Variants in ZFYVE16 observed in about 807,000 individuals in gnomAD.
ZFYVE16 encodes the protein zinc finger FYVE domain-containing protein 16.
Under a neutral mutation model 138.1 loss-of-function variants are expected in ZFYVE16, and 89 were observed. The observed-to-expected ratio is 0.64, with a 90% CI of 0.54 to 0.77. ZFYVE16 has a LOEUF of 0.77. ZFYVE16 is among the 30% of genes least tolerant of loss of function. The pLI is 0.00. For missense variants in ZFYVE16, 1,793 were observed against 1,786.7 expected (o/e 1.00, Z -0.06); for synonymous variants, 596 against 618.3 (o/e 0.96, Z 0.53).
At position 80,480,783 on chromosome 5, in the gene ZFYVE16, T is replaced by C. The variant is rs1351843771; in HGVS notation, c.*3406T>C. Among the ~76,000 whole-genome samples, 1 of 152,000 alleles carries C rather than the reference T, an allele frequency of 6.6e-6. No homozygotes were observed. The highest frequency in any genetic ancestry group is 1.5e-5 in the Non-Finnish European group (1 of 67,998). On this transcript the variant is annotated 3_prime_UTR_variant, in exon 19 of 19. Coordinates refer to ENST00000505560, the MANE Select transcript of ZFYVE16 (RefSeq NM_001284236.3). ...AAAATTAAAAAAATTTTGCCAGGTG[T>C]GGTGGCTCATACTTGTGGTCCCAGC...
In ZFYVE16 at chr5:80,472,901, G is replaced by A. The variant is rs1284428210; in HGVS notation, c.4165G>A (p.Ala1389Thr). The A allele has an allele frequency of 1.2e-6, 2 of 1,602,786 alleles. No homozygotes were observed. The highest frequency in any genetic ancestry group is 1.3e-5 in the African/African-American group (1 of 74,572). ...REYVDICWVDAEEKGNKGVIS... is the reference protein window; with the variant it reads ...REYVDICWVDTEEKGNKGVIS... The stretch of plus-strand genomic sequence containing the variant: ...ATACGTGGATATCTGCTGGGTAGAT[G>A]CTGAAGAAAAAGGAAACAAAGGGTA... Residue 1389 changes from alanine to threonine, a missense_variant, in exon 16 of 19, where the codon GCT (alanine) becomes ACT (threonine). Coordinates refer to ENST00000505560, the MANE Select transcript of ZFYVE16 (RefSeq NM_001284236.3).
chr5:80,460,467 T>C (rs1253886867), intron 15 of ZFYVE16, among the ~76,000 whole-genome samples: 1 of 152,198 alleles, frequency 6.6e-6, no homozygotes, highest in Non-Finnish European at 1.5e-5. Flanking sequence ...TGTTTTTTAT[T>C]TAAGAAATCT....
At chr5:80,452,002 A>T in intron 11 of ZFYVE16, 2 of 259,790 alleles carry the variant, frequency 7.7e-6, no homozygotes, top group South Asian at 1.6e-4. Context: ...CCATATCTGA[A>T]ATGTATTGGA....
At chr5:80,432,936 G>C (rs1474423275) in intron 2 of ZFYVE16, among the ~76,000 whole-genome samples, 1 of 151,968 alleles carries the variant, frequency 6.6e-6, no homozygotes, top group East Asian at 1.9e-4. Context: ...AAAAAGTCAG[G>C]AAACAGGTGC....
Position 80,477,202 on chromosome 5 carries a change from A to ATTT in ZFYVE16, c.4462-7_4462-5dup. 1 of 1,523,716 alleles carries ATTT rather than the reference A, an allele frequency of 6.6e-7. No individual in the cohort carries two copies. Among genetic ancestry groups the ATTT allele is most frequent in the African/African-American group, 1.5e-5 (1 of 67,362 alleles). 94.4% of individuals were successfully genotyped at this position (1,523,716 alleles called of 1,614,324 possible). A position where few individuals can be genotyped will look rare whatever the true frequency, so the allele number is the denominator to read the frequency against. On this transcript the variant is annotated splice_polypyrimidine_tract_variant and intron_variant, in intron 18 of 18. Transcript: ENST00000505560. ...AAGATTGCTCATTTTCTTATCAAGA[A>ATTT]TTTTTTTTTTTTCTAGGTTGAATTT...
chr5:80,470,361 A>G (rs1754250995), intron 15 of ZFYVE16, among the ~76,000 whole-genome samples: 1 of 151,864 alleles, frequency 6.6e-6, no homozygotes, highest in Non-Finnish European at 1.5e-5. Flanking sequence ...TAGGCCTCCC[A>G]AAGTGCTGGG....
intron 15 of ZFYVE16, among the ~76,000 whole-genome samples, chr5:80,468,366 C>T (rs1753947490): frequency 6.6e-6 from 1 of 152,196 alleles, no homozygotes; most frequent in Non-Finnish European, 1.5e-5. Context: ...AGTGCACTTA[C>T]ACAAACCTAA....
chr5:80,479,538 A>G lies in ZFYVE16; in HGVS notation c.*2161A>G, dbSNP rs987896576. On this transcript the variant is annotated 3_prime_UTR_variant, in exon 19 of 19. Transcript: ENST00000505560. ...TTAAGTGCAGAGCATGCCAAGAGAA[A>G]GAGTAGGATTTGGCCCTGTAGGAGC... Among the ~76,000 whole-genome samples the G allele has an allele frequency of 3.3e-5, 5 of 152,198 alleles. No individual in the cohort carries two copies. The highest frequency in any genetic ancestry group is 1.2e-4 in the African/African-American group (5 of 41,456).
chr5:80,440,818 C>T (rs1580233713), intron 5 of ZFYVE16: 1 of 985,090 alleles, frequency 1.0e-6, no homozygotes, highest in East Asian at 1.1e-4. Context: ...TTGACCAGAC[C>T]TGTGCACTAG....
At chr5:80,426,896 C>T (rs1748163304) in intron 1 of ZFYVE16, among the ~76,000 whole-genome samples, 1 of 152,206 alleles carries the variant, frequency 6.6e-6, no homozygotes, top group Non-Finnish European at 1.5e-5. Flanking sequence ...TATTTCTCCA[C>T]AGCCTCACCA....
intron 15 of ZFYVE16, among the ~76,000 whole-genome samples, chr5:80,464,357 G>T (rs963477229): frequency 2.4e-4 from 36 of 152,094 alleles, no homozygotes; most frequent in Non-Finnish European, 2.1e-4. Context: ...CTGAGCTAAG[G>T]GGGAAGAGCC....
chr5:80,447,169 G>A (rs1423442011), intron 7 of ZFYVE16, among the ~76,000 whole-genome samples: 1 of 151,298 alleles, frequency 6.6e-6, no homozygotes, highest in Non-Finnish European at 1.5e-5. Context: ...GGAGACGGAG[G>A]CAGGAGAAAA....
Position 80,426,404 on chromosome 5 carries a change from A to T in ZFYVE16, c.-93-1088A>T, listed in dbSNP as rs193097135. Among the ~76,000 whole-genome samples, 925 of 151,940 alleles carry T rather than the reference A, an allele frequency of 6.1e-3. 9 individuals are homozygous for T. Among genetic ancestry groups the T allele is most frequent in the African/African-American group, 0.021 (853 of 41,368 alleles). Reference sequence around the variant, plus strand: ...CTGTCAACCCATCATCTAGATATTAAGCCCCACATGCATTATTTATCCTGA... The same window carrying T: ...CTGTCAACCCATCATCTAGATATTATGCCCCACATGCATTATTTATCCTGA... On this transcript the variant is annotated intron_variant, in intron 1 of 18. Coordinates refer to ENST00000505560, the MANE Select transcript of ZFYVE16 (RefSeq NM_001284236.3).
intron 15 of ZFYVE16, among the ~76,000 whole-genome samples, chr5:80,464,170 A>G (rs1435226647): frequency 6.6e-6 from 1 of 151,974 alleles, no homozygotes; most frequent in Non-Finnish European, 1.5e-5. Flanking sequence ...TGGGGTGTCA[A>G]TTTACTGTAT....
chr5:80,471,235 T>G (rs557641553), intron 15 of ZFYVE16, among the ~76,000 whole-genome samples: 1 of 152,142 alleles, frequency 6.6e-6, no homozygotes, highest in Non-Finnish European at 1.5e-5. Context: ...TTCTGAGAAT[T>G]TCTGGTCTAA....
intron 1 of ZFYVE16, among the ~76,000 whole-genome samples, chr5:80,422,647 G>T (rs1422547211): frequency 6.6e-6 from 1 of 151,976 alleles, no homozygotes; most frequent in Non-Finnish European, 1.5e-5. Flanking sequence ...TAGAGATGGG[G>T]TTTCACCATG....
intron 14 of ZFYVE16, among the ~76,000 whole-genome samples, chr5:80,458,749 C>T (rs1752792658): frequency 6.6e-6 from 1 of 152,056 alleles, no homozygotes. Context: ...ATTGGTGTGT[C>T]ATAGGATACA....
chr5:80,471,589 A>T (rs1264835272), intron 15 of ZFYVE16, among the ~76,000 whole-genome samples: 1 of 152,140 alleles, frequency 6.6e-6, no homozygotes, highest in Non-Finnish European at 1.5e-5. Context: ...GCACCACGGG[A>T]CCAGAAGGCG....
chr5:80,455,847 A>G (rs1295115664), intron 12 of ZFYVE16, 73 bp downstream of exon 12: 2 of 1,270,414 alleles, frequency 1.6e-6, no homozygotes, highest in Non-Finnish European at 2.2e-6. Context: ...AAGTTTATAC[A>G]TTTATATTTT....
Sources: allele counts gnomAD v4.1 joint callset (sites outside exome capture counted in the v4.1 genomes callset), GRCh38; gene constraint gnomAD v4.1.1; transcripts MANE v1.5; gene names NCBI Gene and HGNC (gene_info 2026-07-23, HGNC 2026-07-21).